Variants in CSMD2 observed in about 807,000 individuals in gnomAD.
CSMD2 encodes the protein CUB and sushi domain-containing protein 2.
In CSMD2, 130 loss-of-function variants were observed where a neutral mutation model predicts 398.5. The ratio of observed to expected loss-of-function variants is 0.33; its 90% CI spans 0.28 to 0.38. The LOEUF is 0.38. Among genes scored for constraint, CSMD2 ranks in the 10% least tolerant of loss-of-function variants. The probability of loss-of-function intolerance (pLI) is 1.00; values close to 1 mark genes in which losing one functional copy is unlikely to be tolerated. For synonymous variants in CSMD2, 1,828 were observed against 1,908.5 expected, an observed-to-expected ratio of 0.96 and a Z score of 1.10; for missense variants, 3,829 against 4,764.9, an observed-to-expected ratio of 0.80 and a Z score of 5.78.
At chr1:33,704,558 G>T (rs1247905005) in intron 22 of CSMD2, among the ~76,000 whole-genome samples, 4 of 152,112 alleles carry the variant, frequency 2.6e-5, no homozygotes, top group African/African-American at 9.7e-5. Flanking sequence ...TGATGTTTTG[G>T]GGTGTATTAG....
At chr1:33,700,407 C>G in intron 23 of CSMD2, 110 bp downstream of exon 23, 1 of 1,187,198 alleles carries the variant, frequency 8.4e-7, no homozygotes, top group Non-Finnish European at 1.2e-6. Flanking sequence ...GATTTTAAAA[C>G]AGTCTTAAGA....
intron 5 of CSMD2, among the ~76,000 whole-genome samples, chr1:33,866,344 C>A (rs566798859): frequency 1.3e-5 from 2 of 152,330 alleles, no homozygotes; most frequent in East Asian, 3.9e-4. Context: ...AATTGCAGCA[C>A]TGCAAAGCAA....
chr1:33,700,529 G>C lies in CSMD2; in HGVS notation c.3721C>G (p.Leu1241Val). Residue 1241 changes from leucine to valine, a missense_variant, in exon 23 of 71, where the codon CTG (leucine) becomes GTG (valine). Leu to Val is a conservative substitution (Grantham distance 32). Transcript: ENST00000373381. ...DAENTSKGFE[L>V]HFSSFELIKC... ...AAGAAAGACTTACTGGAAAAGTGCA[G>C]TTCAAAGCCCTTGCTGGTGTTTTCA... is the stretch of plus-strand genomic sequence containing the variant. 6.2e-7 allele frequency: 1 copy of C among 1,614,178 alleles called. No homozygotes were observed. The highest frequency in any genetic ancestry group is 8.5e-7 in the Non-Finnish European group (1 of 1,180,034).
At chr1:33,659,762 C>T (rs949566166) in intron 26 of CSMD2, among the ~76,000 whole-genome samples, 6 of 152,174 alleles carry the variant, frequency 3.9e-5, no homozygotes, top group South Asian at 2.1e-4. Context: ...GGATTGTATA[C>T]GAGTCTTGAG....
chr1:33,867,722 C>G (rs1171897531), intron 5 of CSMD2, among the ~76,000 whole-genome samples: 1 of 152,130 alleles, frequency 6.6e-6, no homozygotes, highest in Non-Finnish European at 1.5e-5. Context: ...GGCCACCTCC[C>G]ACCGTCCAGT....
chr1:33,572,700 A>C lies in CSMD2; in HGVS notation c.7577-9T>G. On this transcript the variant is annotated splice_polypyrimidine_tract_variant and intron_variant, in intron 49 of 70. Transcript: ENST00000373381. ...AAGCCCACAGGAAAGAGCTAGCAAA[A>C]GGAAAACAATGTCATGAGCATTTGT... 2.5e-6 allele frequency: 4 copies of C among 1,598,164 alleles called. No individual in the cohort carries two copies. Among genetic ancestry groups the C allele is most frequent in the Non-Finnish European group, 3.4e-6 (4 of 1,169,370 alleles).
intron 5 of CSMD2, chr1:33,864,851 G>C: frequency 1.0e-6 from 1 of 1,004,544 alleles, no homozygotes; most frequent in Non-Finnish European, 1.4e-6. Context: ...CTTTGTGGAG[G>C]AGGGAGTGGC....
intron 2 of CSMD2, among the ~76,000 whole-genome samples, chr1:34,084,365 C>A (rs573216440): frequency 2.0e-4 from 31 of 152,212 alleles, no homozygotes; most frequent in Admixed American, 9.2e-4. Context: ...GTAACAAAAG[C>A]CAAAATTGAC....
intron 59 of CSMD2, 53 bp from the exon 60 acceptor site, chr1:33,540,751 C>T: frequency 6.3e-7 from 1 of 1,597,276 alleles, no homozygotes; most frequent in Non-Finnish European, 8.6e-7. Context: ...GGAAACCAGC[C>T]CCCGTCACCA....
chr1:33,730,505 T>C (rs1353217255), intron 15 of CSMD2, among the ~76,000 whole-genome samples: 2 of 151,892 alleles, frequency 1.3e-5, no homozygotes, highest in Non-Finnish European at 2.9e-5. Flanking sequence ...GTGAAATAAA[T>C]GAATGCAATG....
At chr1:34,131,344 G>T (rs1381680824) in intron 1 of CSMD2, among the ~76,000 whole-genome samples, 1 of 151,176 alleles carries the variant, frequency 6.6e-6, no homozygotes, top group East Asian at 1.9e-4. Context: ...GGAGGTGCAG[G>T]AGAGGGGGGG....
At chr1:34,039,922 G>A (rs1333470081) in intron 2 of CSMD2, among the ~76,000 whole-genome samples, 1 of 152,172 alleles carries the variant, frequency 6.6e-6, no homozygotes, top group East Asian at 1.9e-4. Flanking sequence ...GGAGGCCAAG[G>A]TGGGAGGATC....
intron 52 of CSMD2, among the ~76,000 whole-genome samples, 167 bp from the exon 53 acceptor site, chr1:33,568,008 C>G (rs1028138819): frequency 6.6e-6 from 1 of 152,056 alleles, no homozygotes; most frequent in African/African-American, 2.4e-5. Flanking sequence ...CCCCAAATGG[C>G]CACTCACTTC....
At chr1:33,702,561 C>A (rs1381284910) in intron 22 of CSMD2, among the ~76,000 whole-genome samples, 2 of 152,070 alleles carry the variant, frequency 1.3e-5, no homozygotes, top group African/African-American at 4.8e-5. Context: ...TATTTCCTTG[C>A]ATAAATTTAT....
chr1:34,030,446 A>G (rs572234733), intron 3 of CSMD2, among the ~76,000 whole-genome samples: 4 of 152,326 alleles, frequency 2.6e-5, no homozygotes, highest in Non-Finnish European at 4.4e-5. Flanking sequence ...TTATTTACAA[A>G]AACAACCTTC....
chr1:33,592,432 T>TG (rs1024467229), intron 44 of CSMD2: 5 of 716,246 alleles, frequency 7.0e-6, no homozygotes, highest in Admixed American at 2.0e-5. Context: ...CTTCTGTGGC[T>TG]GGGGGGCAGA....
chr1:33,605,383 G>A lies in CSMD2; in HGVS notation c.6431C>T (p.Thr2144Ile). 6.2e-7 allele frequency: 1 copy of A among 1,614,202 alleles called. No homozygotes were observed. The highest frequency in any genetic ancestry group is 1.1e-5 in the South Asian group (1 of 91,084). ...GAGYNVGQSVTFECLPGYQLT... is the reference protein window; with the variant it reads ...GAGYNVGQSVIFECLPGYQLT... ...TTGATACCCCGGGAGGCACTCGAAG[G>A]TCACTGATTGTCCCACGTTGTAGCC... The change falls in exon 42 of 71, where the codon ACC becomes ATC. Residue 2144 changes from threonine (T) to isoleucine (I), a missense_variant. Thr to Ile is a moderately conservative substitution (Grantham distance 89). This residue lies in a region of CSMD2 where 723 missense variants were observed against 758.6 expected (regional missense o/e 0.95). Coordinates refer to ENST00000373381, the MANE Select transcript of CSMD2 (RefSeq NM_001281956.2).
chr1:33,755,737 TG>T (rs1191318549), intron 13 of CSMD2, among the ~76,000 whole-genome samples: 1 of 152,180 alleles, frequency 6.6e-6, no homozygotes, highest in Non-Finnish European at 1.5e-5. Context: ...CCTGAACTCC[TG>T]GGCTAAAAGT....
rs571703539 is a variant in CSMD2 at position 34,138,354 on chromosome 1, T to C, written c.187+26557A>G. Among the ~76,000 whole-genome samples the C allele has an allele frequency of 9.2e-5, 14 of 152,356 alleles. No individual in the cohort carries two copies. In the South Asian group the frequency reaches 2.9e-3, roughly 32 times the overall value. On this transcript the variant is annotated intron_variant, in intron 1 of 70. Transcript: ENST00000373381. ...TGTCACTAAGGTAAGGAATCTCATATGTTTGCAAATATGTAGAAGTTCAAA... is the reference window on the plus strand; with the variant it reads ...TGTCACTAAGGTAAGGAATCTCATACGTTTGCAAATATGTAGAAGTTCAAA...
Sources: gnomAD v4.1 joint callset for allele counts (sites outside exome capture counted in the v4.1 genomes callset) on GRCh38, gnomAD v4.1.1 for gene constraint, gnomAD v4.1.1 regional missense constraint, MANE v1.5 for transcripts, NCBI Gene and HGNC (gene_info 2026-07-23, HGNC 2026-07-21) for gene names.